Variants in SIAE observed in about 807,000 individuals in gnomAD.
SIAE encodes sialate O-acetylesterase.
A neutral mutation model predicts 52.6 loss-of-function variants in SIAE; 39 were observed. The ratio of observed to expected loss-of-function variants is 0.74; its 90% CI spans 0.57 to 0.97. The LOEUF (loss-of-function observed/expected upper bound fraction) is 0.97, where lower values mean the gene tolerates loss of function less well. SIAE is among the 50% of genes least tolerant of loss of function. The probability of loss-of-function intolerance (pLI) is 0.00; values close to 1 mark genes in which losing one functional copy is unlikely to be tolerated. For synonymous variants in SIAE, 233 were observed against 241.4 expected (o/e 0.97, Z 0.32); for missense variants, 592 against 662.1 (o/e 0.89, Z 1.16).
chr11:124,675,460 A>T (rs1356342899), upstream of SIAE: 8 of 1,595,220 alleles, frequency 5.0e-6, no homozygotes, highest in Middle Eastern at 3.4e-4. Context: ...ATAAGAAACT[A>T]AGCATTTGTT....
At chr11:124,673,001 T>TGG (rs1277438664) in intron 1 of SIAE, among the ~76,000 whole-genome samples, 1 of 152,158 alleles carries the variant, frequency 6.6e-6, no homozygotes, top group Non-Finnish European at 1.5e-5. Flanking sequence ...GGTATTCGAA[T>TGG]GGCAAGATCT....
At position 124,649,717 on chromosome 11, in the gene SIAE, C is replaced by T. The variant is rs1167461198; in HGVS notation, c.624G>A (p.Gln208=). 2 of 1,614,094 alleles carry T rather than the reference C, an allele frequency of 1.2e-6. No individual in the cohort carries two copies. Among genetic ancestry groups the T allele is most frequent in the Admixed American group, 3.3e-5 (2 of 60,000 alleles). ...TGGAGGCGATCAGCCCGATGGGATA[C>T]TGCAGAGTGTCATAAAGGTGACGTC... is the stretch of plus-strand genomic sequence containing the variant. ...LFGRHLYDTL[Q]YPIGLIASSW... The change falls in exon 5 of 10, where the codon CAG becomes CAA. Residue 208 remains glutamine, a synonymous_variant. Coordinates refer to ENST00000263593, the MANE Select transcript of SIAE (RefSeq NM_170601.5).
chr11:124,633,235 T>TA lies in SIAE; in HGVS notation c.*3715dup, dbSNP rs1267884226. The TA allele has an allele frequency of 6.6e-6, 1 of 152,252 alleles. No homozygotes were observed. The highest frequency in any genetic ancestry group is 1.5e-5 in the Non-Finnish European group (1 of 68,052). 9.4% of individuals were successfully genotyped at this position (152,252 alleles called of 1,614,324 possible). On this transcript the variant is annotated 3_prime_UTR_variant, in exon 10 of 10. Coordinates refer to ENST00000263593, the MANE Select transcript of SIAE (RefSeq NM_170601.5). Reference sequence around the variant, plus strand: ...AATTGGGGGTTAGTCCCATACTCTATAACAGACTTAGTCCTGTCTTTTCAT... The same window carrying TA: ...AATTGGGGGTTAGTCCCATACTCTATAAACAGACTTAGTCCTGTCTTTTCAT...
chr11:124,662,220 C>T (rs11820044), intron 2 of SIAE, among the ~76,000 whole-genome samples: 6,047 of 152,264 alleles, frequency 0.04, 368 homozygotes, highest in African/African-American at 0.14. Context: ...TCACCTAAAC[C>T]AGAAAAATCA....
chr11:124,669,698 GA>G (rs1943322500), intron 1 of SIAE, 177 bp from the exon 2 acceptor site: 1 of 667,054 alleles, frequency 1.5e-6, no homozygotes, highest in South Asian at 1.6e-5. Flanking sequence ...AACATAACAA[GA>G]ACAGTTTCCA....
rs773707778 is a variant in SIAE at position 124,639,722 on chromosome 11, G to A, written c.1112C>T (p.Ser371Leu). The part of the protein sequence containing the change: ...AVAMDLCDRD[S>L]PFGSIHPRDK... Reference sequence around the variant, plus strand: ...GAAGCAATCATACCTGCCAAAAGGCGAGTCTCTATCACAGAGATCCATAGC... The same window carrying A: ...GAAGCAATCATACCTGCCAAAAGGCAAGTCTCTATCACAGAGATCCATAGC... The change falls in exon 8 of 10, where the codon TCG becomes TTG. Residue 371 changes from serine (S) to leucine (L), a missense_variant. By Grantham distance (145) the Ser-to-Leu change is moderately radical. Transcript: ENST00000263593. 1.8e-5 allele frequency: 29 copies of A among 1,613,926 alleles called. No homozygotes were observed. Among genetic ancestry groups the A allele is most frequent in the East Asian group, 8.9e-5 (4 of 44,892 alleles).
Position 124,633,703 on chromosome 11 carries a change from T to C in SIAE, c.*3248A>G, listed in dbSNP as rs556342453. Reference sequence around the variant, plus strand: ...TTTACAATGTAAAAGAAACAAACTTTGTATAATAGCAAATCGGGAAGGGGA... The same window carrying C: ...TTTACAATGTAAAAGAAACAAACTTCGTATAATAGCAAATCGGGAAGGGGA... On this transcript the variant is annotated 3_prime_UTR_variant, in exon 10 of 10. Coordinates refer to ENST00000263593, the MANE Select transcript of SIAE (RefSeq NM_170601.5). 1 of 150,814 alleles carries C rather than the reference T, an allele frequency of 6.6e-6. No individual in the cohort carries two copies. The highest frequency in any genetic ancestry group is 2.5e-5 in the African/African-American group (1 of 40,068). 9.3% of individuals were successfully genotyped at this position (150,814 alleles called of 1,614,324 possible). A position where few individuals can be genotyped will look rare whatever the true frequency, so the allele number is the denominator to read the frequency against.
At chr11:124,648,470 TGG>T (rs60074472) in intron 5 of SIAE, among the ~76,000 whole-genome samples, 3 of 150,718 alleles carry the variant, frequency 2.0e-5, no homozygotes, top group African/African-American at 7.3e-5. Context: ...TCTCACATTG[TGG>T]GGGGGGGCCA....
intron 7 of SIAE, among the ~76,000 whole-genome samples, chr11:124,643,755 C>T (rs1201648473): frequency 6.6e-6 from 1 of 152,168 alleles, no homozygotes; most frequent in Non-Finnish European, 1.5e-5. Context: ...GCTCCAGTTC[C>T]AGCCAATGAG....
chr11:124,638,413 G>T, intron 9 of SIAE, 129 bp downstream of exon 9: 1 of 965,800 alleles, frequency 1.0e-6, no homozygotes, highest in Non-Finnish European at 1.6e-6. Context: ...TTGCAGCTCT[G>T]AAATAAGCTC....
chr11:124,644,253 T>G (rs1055492492), intron 7 of SIAE, among the ~76,000 whole-genome samples: 1 of 150,538 alleles, frequency 6.6e-6, no homozygotes, highest in Non-Finnish European at 1.5e-5. Context: ...TAAGTCACCC[T>G]ACTTCTTCCA....
rs748825328 is a variant in SIAE at position 124,673,695 on chromosome 11, C to G, written c.14G>C (p.Gly5Ala). 50 of 1,613,478 alleles carry G rather than the reference C, an allele frequency of 3.1e-5. No individual in the cohort carries two copies. The highest frequency in any genetic ancestry group is 4.1e-5 in the Non-Finnish European group (48 of 1,179,798). The stretch of plus-strand genomic sequence containing the variant: ...TGGCAGCACCAGCCCGAGTACAAGC[C>G]CCGGCGCGACCATGCTTGCAAGGAT... The part of the protein sequence containing the change: MVAP[G>A]LVLGLVLPLI... Residue 5 changes from glycine (G) to alanine (A), a missense_variant, in exon 1 of 10, where the codon GGG becomes GCG. Physicochemically the swap from Gly to Ala is moderately conservative, Grantham distance 60 (BLOSUM62 0). Coordinates refer to ENST00000263593, the MANE Select transcript of SIAE (RefSeq NM_170601.5).
intron 3 of SIAE, among the ~76,000 whole-genome samples, chr11:124,656,940 C>T (rs1413733092): frequency 6.6e-6 from 1 of 151,986 alleles, no homozygotes; most frequent in Non-Finnish European, 1.5e-5. Flanking sequence ...CCCCCACCCA[C>T]CCACCACAGA....
intron 1 of SIAE, among the ~76,000 whole-genome samples, chr11:124,671,492 TCA>T (rs1297410165): frequency 2.0e-5 from 3 of 152,194 alleles, no homozygotes; most frequent in Non-Finnish European, 4.4e-5. Context: ...TGGTCTCAAA[TCA>T]CACAGTTTAT....
chr11:124,652,822 G>A (rs1943037074), intron 4 of SIAE, among the ~76,000 whole-genome samples: 1 of 151,978 alleles, frequency 6.6e-6, no homozygotes, highest in African/African-American at 2.4e-5. Flanking sequence ...CTACTGAAAT[G>A]TTGCCTTTCC....
Position 124,638,604 on chromosome 11 carries a change from G to A in SIAE, c.1258C>T (p.Leu420=), listed in dbSNP as rs181772922. ...TGCTGGTAATATGTGAGATTGAGCA[G>A]CCCCTTGTGAGCCAAGAGTTCTATC... ...EKIELLAHKG[L]LNLTYYQQIQ... The change falls in exon 9 of 10, where the codon CTG becomes TTG. Residue 420 remains leucine, a synonymous_variant. Transcript: ENST00000263593. 4.2e-5 allele frequency: 67 copies of A among 1,614,146 alleles called. No homozygotes were observed. In the Admixed American group the frequency reaches 4.3e-4, roughly 10 times the overall value.
rs775228894 is a variant in SIAE, at chr11:124,637,157, T to C, written c.1366A>G (p.Met456Val). 1.2e-6 allele frequency: 2 copies of C among 1,614,136 alleles called. No homozygotes were observed. The highest frequency in any genetic ancestry group is 2.2e-5 in the East Asian group (1 of 44,876). Residue 456 changes from methionine to valine, a missense_variant, in exon 10 of 10, where the codon ATG becomes GTG. Physicochemically the swap from Met to Val is conservative, Grantham distance 21. Transcript: ENST00000263593. ...AGGGACTGGGTGGAGACGGTGTTCATAGAAGCTGGAAGCCACTTGCATCGA... is the reference window on the plus strand; with the variant it reads ...AGGGACTGGGTGGAGACGGTGTTCACAGAAGCTGGAAGCCACTTGCATCGA... ...DHRCKWLPAS[M>V]NTVSTQSLTL...
At chr11:124,642,517 G>A (rs923108024) in intron 7 of SIAE, among the ~76,000 whole-genome samples, 4 of 152,182 alleles carry the variant, frequency 2.6e-5, no homozygotes, top group African/African-American at 9.7e-5. Flanking sequence ...ATATAATAGG[G>A]AAGGAGGAGA....
chr11:124,675,224 T>C (rs370409737), upstream of SIAE: 94 of 1,592,828 alleles, frequency 5.9e-5, 1 homozygote, highest in Middle Eastern at 6.7e-4. Context: ...CAGTACTCTT[T>C]AATGAATCTT....
Sources: gnomAD v4.1 joint callset for allele counts (sites outside exome capture counted in the v4.1 genomes callset) on GRCh38, gnomAD v4.1.1 for gene constraint, MANE v1.5 for transcripts, NCBI Gene and HGNC (gene_info 2026-07-23, HGNC 2026-07-21) for gene names.